The following ITSN2 variants were observed in gnomAD, a reference collection of about 807,000 sequenced individuals.
ITSN2 encodes intersectin 2, also known as intersectin-2.
ITSN2 carries 156 observed loss-of-function variants against 243.7 expected under a neutral mutation model. The observed-to-expected ratio is 0.64, with a 90% CI of 0.56 to 0.73. The LOEUF is 0.73. Among genes scored for constraint, ITSN2 ranks in the 30% least tolerant of loss-of-function variants. ITSN2 has a pLI of 0.00. For synonymous variants in ITSN2, 703 were observed against 699.9 expected, an observed-to-expected ratio of 1.00 and a Z score of -0.07; for missense variants, 1,801 against 1,996.1, an observed-to-expected ratio of 0.90 and a Z score of 1.86.
At chr2:24,357,585 G>GT (rs950387551) in intron 1 of ITSN2, among the ~76,000 whole-genome samples, 25 of 151,580 alleles carry the variant, frequency 1.6e-4, no homozygotes, top group East Asian at 3.9e-4. Flanking sequence ...CATATATCCT[G>GT]TTTTTTTTGT....
At chr2:24,287,512 A>G (rs1168739174) in intron 15 of ITSN2, among the ~76,000 whole-genome samples, 3 of 152,134 alleles carry the variant, frequency 2.0e-5, no homozygotes, top group African/African-American at 7.2e-5. Flanking sequence ...GGGAGCGCAA[A>G]TATCTCTTTG....
intron 37 of ITSN2, among the ~76,000 whole-genome samples, chr2:24,207,677 A>T (rs1371420087): frequency 6.6e-6 from 1 of 152,044 alleles, no homozygotes; most frequent in Non-Finnish European, 1.5e-5. Context: ...TGGGGCAGGG[A>T]AAGTGAGCTG....
chr2:24,307,887 T>G (rs1276015667), intron 8 of ITSN2, among the ~76,000 whole-genome samples: 1 of 152,240 alleles, frequency 6.6e-6, no homozygotes, highest in African/African-American at 2.4e-5. Flanking sequence ...GCTTAAATGC[T>G]CCCTTCCTAA....
At chr2:24,314,028 G>A (rs894506704) in intron 3 of ITSN2, among the ~76,000 whole-genome samples, 3 of 152,130 alleles carry the variant, frequency 2.0e-5, no homozygotes, top group African/African-American at 7.2e-5. Flanking sequence ...GTTTCCCACT[G>A]AGACAAGGGA....
At chr2:24,271,333 T>C (rs1242338145) in intron 19 of ITSN2, among the ~76,000 whole-genome samples, 2 of 152,188 alleles carry the variant, frequency 1.3e-5, no homozygotes, top group African/African-American at 2.4e-5. Flanking sequence ...TTCAACAAAC[T>C]GTATCATTAA....
chr2:24,263,257 T>C (rs1372346233), intron 20 of ITSN2, among the ~76,000 whole-genome samples: 1 of 152,196 alleles, frequency 6.6e-6, no homozygotes, highest in Non-Finnish European at 1.5e-5. Context: ...CCCCACTGTC[T>C]AGCATAGTAG....
chr2:24,351,673 T>C (rs1436041695), intron 1 of ITSN2, among the ~76,000 whole-genome samples: 1 of 152,204 alleles, frequency 6.6e-6, no homozygotes, highest in Non-Finnish European at 1.5e-5. Flanking sequence ...AAATCCTGCA[T>C]TGCCCGCATC....
At chr2:24,278,950 C>T (rs187395051) in intron 17 of ITSN2, among the ~76,000 whole-genome samples, 2 of 152,188 alleles carry the variant, frequency 1.3e-5, no homozygotes, top group Non-Finnish European at 2.9e-5. Flanking sequence ...CTGCACCCAG[C>T]CAAGTTGTTC....
intron 29 of ITSN2, among the ~76,000 whole-genome samples, chr2:24,223,179 C>G (rs1270088674): frequency 6.6e-6 from 1 of 152,168 alleles, no homozygotes; most frequent in Non-Finnish European, 1.5e-5. Flanking sequence ...AAGGCGCACC[C>G]TGCACCTGCC....
chr2:24,209,504 G>GC (rs1313559022), intron 35 of ITSN2, among the ~76,000 whole-genome samples: 1 of 152,240 alleles, frequency 6.6e-6, no homozygotes, highest in Non-Finnish European at 1.5e-5. Flanking sequence ...CTCTCTGCTA[G>GC]CAACGCTGGT....
intron 22 of ITSN2, among the ~76,000 whole-genome samples, chr2:24,259,369 C>T (rs77532967): frequency 0.019 from 2,843 of 152,292 alleles, 40 homozygotes; most frequent in Non-Finnish European, 0.03. Flanking sequence ...ACCATCATCT[C>T]TTGTTATTTA....
Position 24,308,695 on chromosome 2 carries a change from C to T in ITSN2, c.715G>A (p.Ala239Thr). Residue 239 changes from alanine (A) to threonine (T), a missense_variant, in exon 8 of 40, where the codon GCA becomes ACA. Ala to Thr is a moderately conservative substitution (Grantham distance 58). Coordinates refer to ENST00000355123, the MANE Select transcript of ITSN2 (RefSeq NM_006277.3). ...NSPKTGTSEW[A>T]VPQPTRLKYR... ...TTTAATCTTGTAGGCTGAGGAACTG[C>T]CCACTCTGAGGTCCCAGTCTTGGGT... 3 of 1,531,346 alleles carry T rather than the reference C, an allele frequency of 2.0e-6. No individual in the cohort carries two copies. Among genetic ancestry groups the T allele is most frequent in the Non-Finnish European group, 2.7e-6 (3 of 1,131,734 alleles). The allele number at this position is 1,531,346 out of a possible 1,614,324, so 94.9% of individuals were successfully genotyped here.
intron 1 of ITSN2, among the ~76,000 whole-genome samples, chr2:24,346,167 G>C (rs988598361): frequency 6.6e-6 from 1 of 152,162 alleles, no homozygotes; most frequent in South Asian, 2.1e-4. Context: ...AAAGGAGGGT[G>C]GGGGATTAAC....
At position 24,329,461 on chromosome 2, in the gene ITSN2, C is replaced by T. The variant is rs147944294; in HGVS notation, c.-33-1346G>A. 3.1e-4 allele frequency among the ~76,000 whole-genome samples: 47 copies of T among 152,080 alleles called. No individual in the cohort carries two copies. The East Asian group carries it at 6.2e-3, about 20-fold the overall frequency. ...GTTTGTTTGTTTGTTTTAGTAGAGA[C>T]GAGGTTTTACCATGTTGGCCAGGCT... On this transcript the variant is annotated intron_variant, in intron 1 of 39. Coordinates refer to ENST00000355123, the MANE Select transcript of ITSN2 (RefSeq NM_006277.3).
intron 32 of ITSN2, among the ~76,000 whole-genome samples, chr2:24,215,387 C>A (rs1669857539): frequency 6.6e-6 from 1 of 152,090 alleles, no homozygotes; most frequent in African/African-American, 2.4e-5. Flanking sequence ...TATTTTAGGG[C>A]CGGGCACGGT....
rs752994549 is a variant in ITSN2 at position 24,286,294 on chromosome 2, CTTT to C, written c.1778_1780del (p.Gln593del). 3.7e-6 allele frequency: 6 copies of C among 1,606,272 alleles called. No individual in the cohort carries two copies. The highest frequency in any genetic ancestry group is 5.1e-6 in the Non-Finnish European group (6 of 1,173,418). On this transcript the variant is annotated inframe_deletion, in exon 16 of 40. Coordinates refer to ENST00000355123, the MANE Select transcript of ITSN2 (RefSeq NM_006277.3). ...AAGAGCATCTAACTGTTCTTTAAGT[CTTT>C]GGCATAATTCTTCCTTTTCTAATGA...
At chr2:24,257,655 C>T (rs531487542) in intron 23 of ITSN2, among the ~76,000 whole-genome samples, 1 of 152,100 alleles carries the variant, frequency 6.6e-6, no homozygotes, top group South Asian at 2.1e-4. Flanking sequence ...CAGGGTTTCA[C>T]CACGTCACCC....
chr2:24,204,721 C>A lies in ITSN2; in HGVS notation c.4763-303G>T. On this transcript the variant is annotated intron_variant, in intron 38 of 39. Transcript: ENST00000355123. This position sits in a 1 kb window ranked among gnomAD's most constrained non-coding sequence, Gnocchi z 5.1. ...CATGCTTCCTCGGCGCAGACACACTCGGGAAGGCGGGCACTGGCACTTACT... is the reference window on the plus strand; with the variant it reads ...CATGCTTCCTCGGCGCAGACACACTAGGGAAGGCGGGCACTGGCACTTACT... 1.8e-6 allele frequency: 1 copy of A among 545,344 alleles called. No individual in the cohort carries two copies. The highest frequency in any genetic ancestry group is 4.5e-5 in the East Asian group (1 of 22,042). The allele number at this position is 545,344 out of a possible 1,614,324, so 33.8% of individuals were successfully genotyped here.
Position 24,211,574 on chromosome 2 carries a change from G to A in ITSN2, c.4090-627C>T, listed in dbSNP as rs547337923. Among the ~76,000 whole-genome samples, 22 of 152,300 alleles carry A rather than the reference G, an allele frequency of 1.4e-4. No homozygotes were observed. The highest frequency in any genetic ancestry group is 4.1e-4 in the African/African-American group (17 of 41,554). On this transcript the variant is annotated intron_variant, in intron 33 of 39. Coordinates refer to ENST00000355123, the MANE Select transcript of ITSN2 (RefSeq NM_006277.3). The surrounding 1 kb of genome is among the most constrained non-coding windows in gnomAD (Gnocchi z 4.1). ...ATTAGGAGCCATCACCAGATGCCCC[G>A]TCTGGACTCTCTCACTCTAGTCAGA... is the stretch of plus-strand genomic sequence containing the variant.
Sources: gnomAD v4.1 joint callset for allele counts (sites outside exome capture counted in the v4.1 genomes callset) on GRCh38, gnomAD v4.1.1 for gene constraint, Gnocchi (gnomAD v3.1) non-coding constraint, MANE v1.5 for transcripts, NCBI Gene and HGNC (gene_info 2026-07-23, HGNC 2026-07-21) for gene names.